INF2: variants seen among roughly 807,000 people sequenced by gnomAD.
The protein encoded by INF2 is inverted formin-2.
INF2 carries 43 observed loss-of-function variants against 123.5 expected under a neutral mutation model. The observed-to-expected ratio is 0.35, with a 90% CI of 0.27 to 0.45. INF2 has a LOEUF of 0.45. Ranked by LOEUF, INF2 falls within the 20% of genes least tolerant of loss-of-function variation. The pLI is 1.00. For missense variants in INF2, 1,453 were observed against 1,682.7 expected (o/e 0.86, Z 2.39); for synonymous variants, 851 against 745.0 (o/e 1.14, Z -2.32).
At chr14:104,709,059 C>T (rs1405474519) in intron 10 of INF2, among the ~76,000 whole-genome samples, 1 of 152,164 alleles carries the variant, frequency 6.6e-6, no homozygotes, top group Non-Finnish European at 1.5e-5. Context: ...CCGACCCATC[C>T]TGCATCTCCT....
At chr14:104,711,818 C>T in intron 16 of INF2, 119 bp downstream of exon 16, 2 of 839,040 alleles carry the variant, frequency 2.4e-6, no homozygotes, top group East Asian at 2.7e-5. Flanking sequence ...AGCCCCGGCG[C>T]CACGGAGCCC....
chr14:104,710,701 AG>A (rs1890011224), intron 13 of INF2: 1 of 577,614 alleles, frequency 1.7e-6, no homozygotes, highest in African/African-American at 1.9e-5. Context: ...GGAGAGGGAC[AG>A]GTACGGACCA....
In INF2 at chr14:104,714,192, C is replaced by T; in HGVS notation, c.3041-11C>T. The T allele has an allele frequency of 6.7e-7, 1 of 1,503,406 alleles. No individual in the cohort carries two copies. Among genetic ancestry groups the T allele is most frequent in the Non-Finnish European group, 8.9e-7 (1 of 1,126,716 alleles). The allele number at this position is 1,503,406 out of a possible 1,614,324, so 93.1% of individuals were successfully genotyped here. ...GGTGCCTGCCCTTCACTGGTGTGTC[C>T]CTCCATCCAGTGGCCACCAGTAACC... On this transcript the variant is annotated splice_polypyrimidine_tract_variant and intron_variant, in intron 20 of 22. Transcript: ENST00000392634.
In INF2 at chr14:104,710,205, G is replaced by A. The variant is rs898249257; in HGVS notation, c.2239+17G>A. The A allele has an allele frequency of 3.7e-5, 57 of 1,530,392 alleles. No individual in the cohort carries two copies. Among genetic ancestry groups the A allele is most frequent in the Non-Finnish European group, 4.5e-5 (51 of 1,134,036 alleles). 94.8% of individuals were successfully genotyped at this position (1,530,392 alleles called of 1,614,324 possible). On this transcript the variant is annotated intron_variant, in intron 13 of 22. Coordinates refer to ENST00000392634, the MANE Select transcript of INF2 (RefSeq NM_022489.4). The stretch of plus-strand genomic sequence containing the variant: ...CCTGCGAAAGTGAGTGGGGCCAAGC[G>A]GGGCACGTGTGCAGGAGGGACAGGC...
At chr14:104,708,413 C>T (rs1350307389) in intron 8 of INF2, 23 bp from the exon 9 acceptor site, 6 of 1,609,430 alleles carry the variant, frequency 3.7e-6, no homozygotes, top group Middle Eastern at 4.0e-4. Flanking sequence ...GAGAGCCTCA[C>T]TGGCCGTGTC....
intron 5 of INF2, among the ~76,000 whole-genome samples, chr14:104,705,475 A>G (rs7156936): frequency 0.27 from 40,502 of 151,604 alleles, 5,769 homozygotes; most frequent in African/African-American, 0.36. Flanking sequence ...CCTGTGCCCC[A>G]CCAGTGTGGG....
chr14:104,700,235 G>A (rs1469794074), intron 1 of INF2, among the ~76,000 whole-genome samples: 1 of 152,224 alleles, frequency 6.6e-6, no homozygotes, highest in Admixed American at 6.5e-5. Flanking sequence ...CCGTGCCCAG[G>A]TGTGGGACTG....
Position 104,695,650 on chromosome 14 carries a change from C to G in INF2, c.-9-5707C>G, listed in dbSNP as rs144496604. ...CTGTTTGCTGCATCCCCCTACCCCC[C>G]CTACAGAGTCACCCTCCTCCCTGTG... On this transcript the variant is annotated intron_variant, in intron 1 of 22. Coordinates refer to ENST00000392634, the MANE Select transcript of INF2 (RefSeq NM_022489.4). 6.5e-3 allele frequency among the ~76,000 whole-genome samples: 845 copies of G among 130,722 alleles called. 11 individuals are homozygous for G. The highest frequency in any genetic ancestry group is 0.024 in the African/African-American group (801 of 33,538). The allele number at this position is 130,722 out of a possible 152,430, so 85.8% of individuals were successfully genotyped here.
chr14:104,711,273 C>A (rs144223942), intron 15 of INF2, 87 bp downstream of exon 15: 2 of 1,156,304 alleles, frequency 1.7e-6, no homozygotes, highest in Non-Finnish European at 2.5e-6. Context: ...TACCCCCATG[C>A]CCACCACTCA....
Position 104,707,661 on chromosome 14 carries a change from G to A in INF2, c.1394G>A (p.Gly465Asp). Residue 465 changes from glycine to aspartate, a missense_variant, in exon 8 of 23, where the codon GGC (glycine) becomes GAC (aspartate). Around this residue, in one of 8 missense-constraint regions of INF2, gnomAD observed 374 missense variants for 303.7 expected, o/e 1.23. Coordinates refer to ENST00000392634, the MANE Select transcript of INF2 (RefSeq NM_022489.4). ...PTAPPPPPLP[G>D]LGAMAPPAPP... ...GCACCCCCGCCCCCACCCCTGCCAGGCCTGGGGGCCATGGCCCCCCCAGCA... is the reference window on the plus strand; with the variant it reads ...GCACCCCCGCCCCCACCCCTGCCAGACCTGGGGGCCATGGCCCCCCCAGCA... 1 of 927,328 alleles carries A rather than the reference G, an allele frequency of 1.1e-6. No individual in the cohort carries two copies. The highest frequency in any genetic ancestry group is 1.6e-6 in the Non-Finnish European group (1 of 629,980). 57.4% of individuals were successfully genotyped at this position (927,328 alleles called of 1,614,324 possible).
At chr14:104,716,501 T>C (rs1890304445) in intron 22 of INF2, among the ~76,000 whole-genome samples, 1 of 152,152 alleles carries the variant, frequency 6.6e-6, no homozygotes, top group Admixed American at 6.5e-5. Context: ...CAGTGGAGCA[T>C]GCAGGTCTGG....
In INF2 at chr14:104,701,665, C is replaced by T. The variant is rs755925568; in HGVS notation, c.300C>T (p.Thr100=). The T allele has an allele frequency of 2.5e-6, 4 of 1,588,958 alleles. No homozygotes were observed. The highest frequency in any genetic ancestry group is 3.4e-6 in the Non-Finnish European group (4 of 1,169,236). ...TCTCCGACGCCCTGCTGCAGCTCAC[C>T]TGCGTCAGCTGCGTGCGCGCCGTCA... ...ARISDALLQL[T]CVSCVRAVMN... The change falls in exon 2 of 23, where the codon ACC becomes ACT. Residue 100 remains threonine (T), a synonymous_variant. Coordinates refer to ENST00000392634, the MANE Select transcript of INF2 (RefSeq NM_022489.4).
chr14:104,711,710 C>T lies in INF2; in HGVS notation c.2489+11C>T, dbSNP rs1296018920. 4 of 1,611,406 alleles carry T rather than the reference C, an allele frequency of 2.5e-6. No individual in the cohort carries two copies. Among genetic ancestry groups the T allele is most frequent in the East Asian group, 4.5e-5 (2 of 44,864 alleles). ...CTCGCAAGCAGCAGGGTAGGTAGCT[C>T]CTGCCAGCCCGCCCACCTCAGCCAG... On this transcript the variant is annotated intron_variant, in intron 16 of 22. Coordinates refer to ENST00000392634, the MANE Select transcript of INF2 (RefSeq NM_022489.4).
rs1278804782 is a variant in INF2, at chr14:104,707,596, AC to A, written c.1336del (p.Leu446CysfsTer112). The A allele has an allele frequency of 4.8e-5, 24 of 503,744 alleles. No individual in the cohort carries two copies. Among genetic ancestry groups the A allele is most frequent in the Non-Finnish European group, 5.5e-5 (20 of 361,090 alleles). 31.2% of individuals were successfully genotyped at this position (503,744 alleles called of 1,614,324 possible). ...SAEPPPPPPP[P>X]PLPSVGAKAL... is the part of the protein sequence containing the mutation. ...CCGAGCCCCCTCCCCCTCCCCCACC[AC>A]CCCCCCTGCCCAGTGTGGGGGCTAA... On this transcript the variant is annotated frameshift_variant, in exon 8 of 23. Coordinates refer to ENST00000392634, the MANE Select transcript of INF2 (RefSeq NM_022489.4). LOFTEE classifies it high-confidence loss of function.
rs1399790112 is a variant in INF2 at position 104,703,902 on chromosome 14, C to T, written c.668-14C>T. Reference sequence around the variant, plus strand: ...TGGCCTCCGAACCCTCTGACCCTGTCCGTCCCTTCCCAGGGCTGCAGCTGC... The same window carrying T: ...TGGCCTCCGAACCCTCTGACCCTGTTCGTCCCTTCCCAGGGCTGCAGCTGC... On this transcript the variant is annotated splice_polypyrimidine_tract_variant and intron_variant, in intron 4 of 22. Coordinates refer to ENST00000392634, the MANE Select transcript of INF2 (RefSeq NM_022489.4). 3 of 1,611,120 alleles carry T rather than the reference C, an allele frequency of 1.9e-6. No homozygotes were observed. The highest frequency in any genetic ancestry group is 2.5e-6 in the Non-Finnish European group (3 of 1,179,906).
chr14:104,706,293 G>A, intron 6 of INF2, 117 bp downstream of exon 6: 9 of 1,105,752 alleles, frequency 8.1e-6, no homozygotes, highest in Non-Finnish European at 1.1e-5. Flanking sequence ...CTGTGACCTG[G>A]GCCATGGTGC....
intron 1 of INF2, among the ~76,000 whole-genome samples, chr14:104,700,372 G>T (rs1344605892): frequency 6.6e-6 from 1 of 152,178 alleles, no homozygotes; most frequent in Non-Finnish European, 1.5e-5. Flanking sequence ...CTGGGCCGGG[G>T]TGGAGGCTCA....
chr14:104,698,282 G>A (rs932055310), intron 1 of INF2, among the ~76,000 whole-genome samples: 3 of 152,228 alleles, frequency 2.0e-5, no homozygotes, highest in African/African-American at 7.2e-5. Flanking sequence ...CCGTGCCCCT[G>A]AGATCAGTAA....
In INF2 at chr14:104,714,426, T is replaced by C. The variant is rs762053888; in HGVS notation, c.3264T>C (p.Thr1088=). 1 of 1,609,222 alleles carries C rather than the reference T, an allele frequency of 6.2e-7. No homozygotes were observed. Among genetic ancestry groups the C allele is most frequent in the East Asian group, 2.2e-5 (1 of 44,728 alleles). ...TGGATGCCAGCGATGTCCTAACCAC[T>C]GAGGATCCCCAGTGCCCCCAGCCCT... The part of the protein sequence containing the change: ...WYVDASDVLT[T]EDPQCPQPLE... Residue 1088 remains threonine (T), a synonymous_variant, in exon 21 of 23, where the codon ACT becomes ACC. Transcript: ENST00000392634.
Sources: allele counts gnomAD v4.1 joint callset (sites outside exome capture counted in the v4.1 genomes callset), GRCh38; gene constraint gnomAD v4.1.1; regional missense constraint gnomAD v4.1.1; transcripts MANE v1.5; gene names NCBI Gene and HGNC (gene_info 2026-07-23, HGNC 2026-07-21).